MKLN1: variants seen among roughly 807,000 people sequenced by gnomAD.
MKLN1 encodes the protein muskelin 1.
In MKLN1, 18 loss-of-function variants were observed where a neutral mutation model predicts 99.0. That is an observed-to-expected ratio of 0.18 (90% confidence interval 0.13 to 0.27). The LOEUF is 0.27. MKLN1 is among the 10% of genes least tolerant of loss of function. MKLN1 has a pLI of 1.00. For missense variants in MKLN1, 621 were observed against 875.9 expected (o/e 0.71, Z 3.67); for synonymous variants, 288 against 293.2 (o/e 0.98, Z 0.18).
At chr7:131,275,917 C>A (rs1224203910) in intron 3 of MKLN1, among the ~76,000 whole-genome samples, 1 of 152,162 alleles carries the variant, frequency 6.6e-6, no homozygotes, top group East Asian at 1.9e-4. Context: ...CCAAGGCAGG[C>A]CTTCCCATGC....
intron 14 of MKLN1, among the ~76,000 whole-genome samples, chr7:131,464,618 T>C (rs1374478865): frequency 6.6e-6 from 1 of 152,246 alleles, no homozygotes; most frequent in Non-Finnish European, 1.5e-5. Context: ...TCTTGGTACT[T>C]TTCCTTTTTT....
chr7:131,357,277 G>A (rs1382252362), intron 1 of MKLN1, among the ~76,000 whole-genome samples: 2 of 152,180 alleles, frequency 1.3e-5, no homozygotes, highest in Non-Finnish European at 2.9e-5. Context: ...ACAGTTTCGA[G>A]GAGTACTGGA....
chr7:131,453,021 T>C (rs1796229189), intron 12 of MKLN1, among the ~76,000 whole-genome samples: 1 of 152,226 alleles, frequency 6.6e-6, no homozygotes, highest in African/African-American at 2.4e-5. Context: ...GTATGTTTTG[T>C]ATTTGATGTG....
chr7:131,142,937 A>T (rs1795758333), exon 2 of MKLN1: 1 of 1,305,248 alleles, frequency 7.7e-7, no homozygotes, highest in East Asian at 5.5e-5. Context: ...GGGGATTGGA[A>T]TTCGGTAAGT....
intron 3 of MKLN1, chr7:131,242,604 A>G (rs570511653): frequency 2.4e-5 from 12 of 493,380 alleles, no homozygotes; most frequent in African/African-American, 6.0e-5. Context: ...GGGCAAGTTC[A>G]TGAAACCTGG....
intron 6 of MKLN1, among the ~76,000 whole-genome samples, chr7:131,403,104 A>G (rs1199898916): frequency 6.6e-6 from 1 of 152,174 alleles, no homozygotes; most frequent in Non-Finnish European, 1.5e-5. Flanking sequence ...TGTTTTGTCT[A>G]CATTGAAAAT....
chr7:131,149,259 T>A (rs1795856432), intron 2 of MKLN1, among the ~76,000 whole-genome samples: 1 of 152,222 alleles, frequency 6.6e-6, no homozygotes, highest in Admixed American at 6.5e-5. Flanking sequence ...TAGTCATGTT[T>A]TATTTTTGTT....
chr7:131,337,916 T>C (rs1799297112), intron 1 of MKLN1, among the ~76,000 whole-genome samples: 1 of 152,164 alleles, frequency 6.6e-6, no homozygotes, highest in African/African-American at 2.4e-5. Flanking sequence ...TTTCCCCAGA[T>C]AGGATTCACA....
At chr7:131,134,900 A>C (rs1157824375) in intron 1 of MKLN1, among the ~76,000 whole-genome samples, 1 of 152,200 alleles carries the variant, frequency 6.6e-6, no homozygotes, top group Non-Finnish European at 1.5e-5. Context: ...TCAAGTCCAG[A>C]TTCCCTAGCT....
chr7:131,258,190 G>A (rs565243865), intron 3 of MKLN1, among the ~76,000 whole-genome samples: 6 of 150,214 alleles, frequency 4.0e-5, no homozygotes, highest in African/African-American at 1.5e-4. Flanking sequence ...AGTTTCACAT[G>A]TGTAATCTTT....
At chr7:131,424,587 A>T (rs141462718) in intron 8 of MKLN1, among the ~76,000 whole-genome samples, 1 of 152,186 alleles carries the variant, frequency 6.6e-6, no homozygotes, top group Non-Finnish European at 1.5e-5. Flanking sequence ...TTTAGTGCAT[A>T]TAAGATGTGT....
At chr7:131,358,000 T>G (rs1799931347) in intron 1 of MKLN1, among the ~76,000 whole-genome samples, 1 of 152,252 alleles carries the variant, frequency 6.6e-6, no homozygotes, top group Non-Finnish European at 1.5e-5. Context: ...TAGGCAGTCC[T>G]GTCATCTGTG....
chr7:131,452,192 G>A (rs1158062823), intron 12 of MKLN1, among the ~76,000 whole-genome samples: 1 of 152,144 alleles, frequency 6.6e-6, no homozygotes, highest in African/African-American at 2.4e-5. Context: ...GTCTGGGTCT[G>A]CCACTCATCC....
chr7:131,405,169 T>G (rs1339288092), intron 6 of MKLN1, among the ~76,000 whole-genome samples: 1 of 152,204 alleles, frequency 6.6e-6, no homozygotes, highest in Non-Finnish European at 1.5e-5. Flanking sequence ...TCTTACTGTT[T>G]GTTTAGTGTT....
In MKLN1 at chr7:131,463,388, C is replaced by T. The variant is rs1796571868; in HGVS notation, c.1673+24C>T. ...TGGTAAGGAACTCTTGTCTCTGCTG[C>T]AATCCCAATGTAATAATTATTTGAG... On this transcript the variant is annotated intron_variant, in intron 13 of 17. Coordinates refer to ENST00000352689, the MANE Select transcript of MKLN1 (RefSeq NM_013255.5). 1.9e-6 allele frequency: 3 copies of T among 1,596,004 alleles called. No homozygotes were observed. The South Asian group carries it at 3.4e-5, about 18-fold the overall frequency.
chr7:131,131,193 TTAAATAAA>T (rs56293710), intron 1 of MKLN1, among the ~76,000 whole-genome samples: 8 of 136,076 alleles, frequency 5.9e-5, no homozygotes, highest in East Asian at 2.1e-4. Context: ...TCACCTCTAC[TTAAATAAA>T]TAAATAAATA....
At chr7:131,200,460 G>A (rs1796710910) in intron 2 of MKLN1, among the ~76,000 whole-genome samples, 1 of 152,148 alleles carries the variant, frequency 6.6e-6, no homozygotes, top group African/African-American at 2.4e-5. Context: ...TATGCAAATG[G>A]CAGATTATTC....
intron 1 of MKLN1, among the ~76,000 whole-genome samples, chr7:131,352,284 C>T (rs1246179178): frequency 6.6e-6 from 1 of 152,010 alleles, no homozygotes; most frequent in Non-Finnish European, 1.5e-5. Context: ...TATTTTCTTG[C>T]TTTTTGGCAT....
intron 3 of MKLN1, among the ~76,000 whole-genome samples, chr7:131,322,402 TA>T (rs927861892): frequency 6.6e-6 from 1 of 152,200 alleles, no homozygotes; most frequent in Non-Finnish European, 1.5e-5. Context: ...TGAGACCGGA[TA>T]ATTTATAAAT....
Sources: allele counts gnomAD v4.1 joint callset (sites outside exome capture counted in the v4.1 genomes callset), GRCh38; gene constraint gnomAD v4.1.1; transcripts MANE v1.5; gene names NCBI Gene and HGNC (gene_info 2026-07-23, HGNC 2026-07-21).